Variants in CPSF3 observed in about 807,000 individuals in gnomAD.
The protein encoded by CPSF3 is cleavage and polyadenylation specificity factor subunit 3.
A neutral mutation model predicts 84.1 loss-of-function variants in CPSF3; 57 were observed. The ratio of observed to expected loss-of-function variants is 0.68; its 90% CI spans 0.55 to 0.85. The LOEUF (loss-of-function observed/expected upper bound fraction) is 0.85. Ranked by LOEUF, CPSF3 falls within the 40% of genes least tolerant of loss-of-function variation. The pLI, the probability that CPSF3 is intolerant of heterozygous loss-of-function variation, is 0.00. For missense variants in CPSF3, 522 were observed against 838.8 expected, an observed-to-expected ratio of 0.62 and a Z score of 4.66; for synonymous variants, 275 against 278.1, an observed-to-expected ratio of 0.99 and a Z score of 0.11.
intron 14 of CPSF3, 51 bp from the exon 15 acceptor site, chr2:9,459,479 TG>T: frequency 9.0e-7 from 1 of 1,106,430 alleles, no homozygotes; most frequent in Non-Finnish European, 1.4e-6. Flanking sequence ...GTAGCCTTTG[TG>T]GTTGGTCACC....
intron 16 of CPSF3, 33 bp downstream of exon 16, chr2:9,467,809 C>T: frequency 6.4e-7 from 1 of 1,559,548 alleles, no homozygotes; most frequent in Non-Finnish European, 8.8e-7. Flanking sequence ...CTCAACAAGA[C>T]AGTGACAGCG....
intron 15 of CPSF3, among the ~76,000 whole-genome samples, chr2:9,466,191 C>T (rs565630290): frequency 1.9e-3 from 288 of 149,220 alleles, no homozygotes; most frequent in African/African-American, 7.0e-3. Context: ...CACACACACA[C>T]GCGCTCACAC....
chr2:9,430,039 T>C lies in CPSF3; in HGVS notation c.212+19T>C. The C allele has an allele frequency of 1.5e-6, 2 of 1,360,920 alleles. No homozygotes were observed. The highest frequency in any genetic ancestry group is 2.7e-5 in the South Asian group (2 of 75,178). 84.3% of individuals were successfully genotyped at this position (1,360,920 alleles called of 1,614,324 possible). Reference sequence around the variant, plus strand: ...TTAGTCAGTAAGTTTTTCCCTTTATTAATGACACTTTTTCACGGACTTTTA... The same window carrying C: ...TTAGTCAGTAAGTTTTTCCCTTTATCAATGACACTTTTTCACGGACTTTTA... On this transcript the variant is annotated intron_variant, in intron 3 of 17. Coordinates refer to ENST00000238112, the MANE Select transcript of CPSF3 (RefSeq NM_016207.4).
At position 9,453,422 on chromosome 2, in the gene CPSF3, C is replaced by T. The variant is rs1335548046; in HGVS notation, c.1504+401C>T. On this transcript the variant is annotated intron_variant, in intron 12 of 17. Coordinates refer to ENST00000238112, the MANE Select transcript of CPSF3 (RefSeq NM_016207.4). ...CTTGCAGGGCCTTTGTATTCCTTCA[C>T]CATTCCAAAAGGAGTAGGAACAAAA... Among the ~76,000 whole-genome samples, 7 of 152,284 alleles carry T rather than the reference C, an allele frequency of 4.6e-5. No homozygotes were observed. The East Asian group carries it at 1.3e-3, about 29-fold the overall frequency.
Position 9,466,386 on chromosome 2 carries a change from ACACGCGCACACACACG to A in CPSF3, c.1787-1307_1787-1292del, listed in dbSNP as rs796225369. 5.2e-4 allele frequency among the ~76,000 whole-genome samples: 41 copies of A among 78,776 alleles called. No individual in the cohort carries two copies. The South Asian group carries it at 6.2e-3, about 12-fold the overall frequency. The allele number at this position is 78,776 out of a possible 152,430, so 51.7% of individuals were successfully genotyped here. A position where few individuals can be genotyped will look rare whatever the true frequency, so the allele number is the denominator to read the frequency against. The stretch of plus-strand genomic sequence containing the variant: ...CACGCACACACCCACGCACTCGCAC[ACACGCGCACACACACG>A]CACGCGCACACACGCACACGCGCAC... On this transcript the variant is annotated intron_variant, in intron 15 of 17. Coordinates refer to ENST00000238112, the MANE Select transcript of CPSF3 (RefSeq NM_016207.4).
chr2:9,466,340 A>ACAAC (rs1404958704), intron 15 of CPSF3, among the ~76,000 whole-genome samples: 1 of 56,722 alleles, frequency 1.8e-5, no homozygotes, highest in Non-Finnish European at 5.3e-5. Context: ...GCACGCACAC[A>ACAAC]CGCGCGCGCG....
At chr2:9,451,062 A>G (rs547467879) in intron 11 of CPSF3, among the ~76,000 whole-genome samples, 9 of 152,200 alleles carry the variant, frequency 5.9e-5, no homozygotes, top group Non-Finnish European at 1.2e-4. Context: ...CTGGTGGTGG[A>G]TATGTGGGGA....
chr2:9,462,267 G>A (rs899214565), intron 15 of CPSF3, among the ~76,000 whole-genome samples: 1 of 152,178 alleles, frequency 6.6e-6, no homozygotes, highest in Non-Finnish European at 1.5e-5. Flanking sequence ...AATGCCACCA[G>A]GGTTGCTTTC....
Position 9,448,206 on chromosome 2 carries a change from C to A in CPSF3, c.1251C>A (p.Val417=), listed in dbSNP as rs760216950. ...RALKPPHVIL[V]HGEQNEMARL... ...ACATTTATTCTATGTAGATTTTAGTCCATGGAGAACAGAATGAAATGGCCA... is the reference window on the plus strand; with the variant it reads ...ACATTTATTCTATGTAGATTTTAGTACATGGAGAACAGAATGAAATGGCCA... Residue 417 remains valine, a synonymous_variant, in exon 11 of 18, where the codon GTC becomes GTA. Coordinates refer to ENST00000238112, the MANE Select transcript of CPSF3 (RefSeq NM_016207.4). The A allele has an allele frequency of 3.2e-5, 51 of 1,588,180 alleles. No individual in the cohort carries two copies. The highest frequency in any genetic ancestry group is 4.3e-5 in the Non-Finnish European group (50 of 1,163,092).
At chr2:9,436,122 C>T in intron 6 of CPSF3, 89 bp from the exon 7 acceptor site, 1 of 1,117,970 alleles carries the variant, frequency 8.9e-7, no homozygotes, top group Non-Finnish European at 1.3e-6. Flanking sequence ...AAGTGAATTG[C>T]TTAGCCCCTC....
intron 14 of CPSF3, among the ~76,000 whole-genome samples, chr2:9,458,310 A>T (rs1057158784): frequency 2.6e-5 from 4 of 152,172 alleles, no homozygotes; most frequent in African/African-American, 9.7e-5. Context: ...AGGCTGAGGC[A>T]GGAGAATCAC....
At chr2:9,470,880 C>T (rs1249744846) in intron 16 of CPSF3, among the ~76,000 whole-genome samples, 1 of 152,162 alleles carries the variant, frequency 6.6e-6, no homozygotes, top group Non-Finnish European at 1.5e-5. Flanking sequence ...GTTTTATAAA[C>T]TTAATAAGCT....
chr2:9,460,330 G>A (rs1465246564), intron 15 of CPSF3, among the ~76,000 whole-genome samples: 1 of 152,178 alleles, frequency 6.6e-6, no homozygotes, highest in Non-Finnish European at 1.5e-5. Flanking sequence ...TCGGGAGGCT[G>A]AGGCAGGAGA....
At position 9,466,208 on chromosome 2, in the gene CPSF3, GCGCACACACGCACGCA is replaced by G. The variant is rs1681909270; in HGVS notation, c.1787-1497_1787-1482del. The stretch of plus-strand genomic sequence containing the variant: ...CACACACACGCGCTCACACACACAC[GCGCACACACGCACGCA>G]CACACACACGTGCGCGCACGCACGC... On this transcript the variant is annotated intron_variant, in intron 15 of 17. Coordinates refer to ENST00000238112, the MANE Select transcript of CPSF3 (RefSeq NM_016207.4). Among the ~76,000 whole-genome samples the G allele has an allele frequency of 4.7e-5, 7 of 147,534 alleles. 1 individual carries two copies. Among genetic ancestry groups the G allele is most frequent in the African/African-American group, 1.8e-4 (7 of 39,540 alleles).
intron 1 of CPSF3, chr2:9,424,794 G>T (rs1042125881): frequency 9.9e-5 from 15 of 152,204 alleles, no homozygotes; most frequent in Admixed American, 3.9e-4. Context: ...GAGAATTACA[G>T]TGCACAGTGG....
intron 10 of CPSF3, among the ~76,000 whole-genome samples, chr2:9,446,216 G>C (rs906193899): frequency 3.3e-5 from 5 of 152,110 alleles, no homozygotes; most frequent in African/African-American, 7.2e-5. Context: ...AGGCCGATGT[G>C]GGTGGATCAC....
chr2:9,455,794 T>C, intron 13 of CPSF3, 37 bp downstream of exon 13: 1 of 1,401,702 alleles, frequency 7.1e-7, no homozygotes, highest in Non-Finnish European at 1.0e-6. Context: ...CATTGTTTTC[T>C]GTCTTTTAGT....
intron 11 of CPSF3, 84 bp downstream of exon 11, chr2:9,448,434 C>T (rs1481538401): frequency 7.1e-6 from 8 of 1,131,832 alleles, no homozygotes; most frequent in Non-Finnish European, 1.0e-5. Context: ...GATCTTTAGT[C>T]AAAAGAATAT....
chr2:9,466,220 ACG>A (rs1431740716), intron 15 of CPSF3, among the ~76,000 whole-genome samples: 6 of 147,950 alleles, frequency 4.1e-5, no homozygotes, highest in South Asian at 2.2e-4. Flanking sequence ...GCACACACGC[ACG>A]CACACACACA....
Sources: allele counts gnomAD v4.1 joint callset (sites outside exome capture counted in the v4.1 genomes callset), GRCh38; gene constraint gnomAD v4.1.1; transcripts MANE v1.5; gene names NCBI Gene and HGNC (gene_info 2026-07-23, HGNC 2026-07-21).